ARPP21: variants seen among roughly 807,000 people sequenced by gnomAD.
ARPP21 encodes cAMP regulated phosphoprotein 21.
ARPP21 carries 69 observed loss-of-function variants against 113.2 expected under a neutral mutation model. The ratio of observed to expected loss-of-function variants is 0.61; its 90% CI spans 0.50 to 0.74. ARPP21 has a LOEUF of 0.74. Among genes scored for constraint, ARPP21 ranks in the 30% least tolerant of loss-of-function variants. The pLI is 0.00. For synonymous variants in ARPP21, 368 were observed against 375.5 expected (o/e 0.98, Z 0.23); for missense variants, 1,070 against 1,037.4 (o/e 1.03, Z -0.43).
chr3:35,780,447 T>A (rs2096495553), intron 19 of ARPP21, among the ~76,000 whole-genome samples: 1 of 152,120 alleles, frequency 6.6e-6, no homozygotes, highest in Non-Finnish European at 1.5e-5. Context: ...ACAAGAGAGA[T>A]ATTAGCCTAT....
intron 19 of ARPP21, among the ~76,000 whole-genome samples, chr3:35,780,351 C>T (rs1195032875): frequency 6.6e-6 from 1 of 152,108 alleles, no homozygotes. Context: ...AATTCAAAGT[C>T]ATAAAAGTGG....
intron 14 of ARPP21, among the ~76,000 whole-genome samples, chr3:35,725,192 G>T (rs1368677600): frequency 6.6e-6 from 1 of 152,078 alleles, no homozygotes; most frequent in Non-Finnish European, 1.5e-5. Context: ...TGGAAGTTAG[G>T]CTCCTATCCT....
chr3:35,658,051 G>A (rs777986498), intron 1 of ARPP21, among the ~76,000 whole-genome samples: 11 of 152,056 alleles, frequency 7.2e-5, no homozygotes, highest in Non-Finnish European at 1.5e-4. Context: ...GTGATAACTG[G>A]AATAATACTC....
At chr3:35,790,948 T>C (rs1318347309) in intron 19 of ARPP21, among the ~76,000 whole-genome samples, 1 of 152,202 alleles carries the variant, frequency 6.6e-6, no homozygotes, top group Non-Finnish European at 1.5e-5. Context: ...TTGCCAATTG[T>C]AGGCATAGGG....
intron 1 of ARPP21, among the ~76,000 whole-genome samples, chr3:35,649,866 G>A (rs549099713): frequency 4.6e-5 from 7 of 152,020 alleles, no homozygotes; most frequent in Non-Finnish European, 7.4e-5. Context: ...CGTTTTACCC[G>A]ATCTATAAAA....
chr3:35,710,540 C>CAA (rs1491487098), intron 11 of ARPP21, among the ~76,000 whole-genome samples: 1 of 87,898 alleles, frequency 1.1e-5, no homozygotes, highest in East Asian at 2.5e-4. Context: ...CTCTCTCTCT[C>CAA]AAACACACAC....
intron 19 of ARPP21, among the ~76,000 whole-genome samples, chr3:35,745,619 G>T (rs2094985303): frequency 1.3e-5 from 2 of 152,212 alleles, no homozygotes; most frequent in Non-Finnish European, 2.9e-5. Context: ...GAGAAAGTTA[G>T]ATGAATATGA....
intron 1 of ARPP21, among the ~76,000 whole-genome samples, chr3:35,673,010 C>CA (rs2076712225): frequency 6.6e-6 from 1 of 151,928 alleles, no homozygotes; most frequent in African/African-American, 2.4e-5. Flanking sequence ...TAATAATCTA[C>CA]GTAGAAAACT....
chr3:35,655,834 G>A (rs1704598783), intron 1 of ARPP21, among the ~76,000 whole-genome samples: 1 of 151,992 alleles, frequency 6.6e-6, no homozygotes, highest in African/African-American at 2.4e-5. Flanking sequence ...ATCACCTGAA[G>A]GTTTATTGAA....
intron 3 of ARPP21, chr3:35,682,433 C>G (rs534401776): frequency 6.0e-6 from 1 of 165,912 alleles, no homozygotes; most frequent in South Asian, 1.9e-4. Context: ...TCATGATTTA[C>G]AAGGGAAAGA....
intron 1 of ARPP21, among the ~76,000 whole-genome samples, chr3:35,672,585 A>G (rs2076592950): frequency 1.3e-5 from 2 of 152,030 alleles, no homozygotes; most frequent in African/African-American, 4.8e-5. Flanking sequence ...GAGTCAACAA[A>G]TCCTACTATG....
At chr3:35,755,343 C>T (rs1391259719) in intron 19 of ARPP21, among the ~76,000 whole-genome samples, 1 of 151,984 alleles carries the variant, frequency 6.6e-6, no homozygotes, top group African/African-American at 2.4e-5. Context: ...TCTGTTTTCT[C>T]ATTGTATTTT....
chr3:35,651,464 A>G (rs1702354788), intron 1 of ARPP21, among the ~76,000 whole-genome samples: 1 of 152,036 alleles, frequency 6.6e-6, no homozygotes, highest in African/African-American at 2.4e-5. Flanking sequence ...TGGCTTGTTC[A>G]TAAATGTTAA....
At chr3:35,774,128 GA>G (rs1306405850) in intron 19 of ARPP21, among the ~76,000 whole-genome samples, 2 of 152,098 alleles carry the variant, frequency 1.3e-5, no homozygotes, top group African/African-American at 4.8e-5. Context: ...GTTTAAAAAT[GA>G]CTTCCTATCA....
At chr3:35,781,659 T>C (rs1296567396) in intron 19 of ARPP21, 1 of 152,200 alleles carries the variant, frequency 6.6e-6, no homozygotes, top group East Asian at 1.9e-4. Context: ...AATCATGATC[T>C]AGTTGATTAT....
At chr3:35,641,701 A>C (rs1022029052) in intron 1 of ARPP21, 3 of 152,158 alleles carry the variant, frequency 2.0e-5, no homozygotes, top group African/African-American at 7.2e-5. Context: ...GTGGGTTTTC[A>C]AGGTATGTAT....
At chr3:35,672,710 G>A (rs190415354) in intron 1 of ARPP21, among the ~76,000 whole-genome samples, 3 of 152,072 alleles carry the variant, frequency 2.0e-5, no homozygotes, top group African/African-American at 4.8e-5. Flanking sequence ...TTACTACTTG[G>A]TTCAAATTTT....
Position 35,738,538 on chromosome 3 carries a change from C to A in ARPP21, c.1749+220C>A, listed in dbSNP as rs78576072. 4.1e-3 allele frequency among the ~76,000 whole-genome samples: 619 copies of A among 152,252 alleles called. 7 individuals carry two copies. The highest frequency in any genetic ancestry group is 0.014 in the African/African-American group (577 of 41,544). ...GTCCCATGCTGAGTGCTTCTGTGGT[C>A]TGTTACCCTTTTCAGAGTATACCAG... On this transcript the variant is annotated intron_variant, in intron 17 of 20. Coordinates refer to ENST00000684406, the MANE Select transcript of ARPP21 (RefSeq NM_001385562.1).
At chr3:35,654,721 C>G (rs1000537259) in intron 1 of ARPP21, among the ~76,000 whole-genome samples, 8 of 151,988 alleles carry the variant, frequency 5.3e-5, no homozygotes, top group African/African-American at 1.9e-4. Flanking sequence ...TTTTATCTTT[C>G]TACCCTCAAG....
Sources: gnomAD v4.1 joint callset for allele counts (sites outside exome capture counted in the v4.1 genomes callset) on GRCh38, gnomAD v4.1.1 for gene constraint, MANE v1.5 for transcripts, NCBI Gene and HGNC (gene_info 2026-07-23, HGNC 2026-07-21) for gene names.